DZIP1: variants seen among roughly 807,000 people sequenced by gnomAD.
The protein encoded by DZIP1 is DAZ interacting zinc finger protein 1, also known as cilium assembly protein DZIP1.
Under a neutral mutation model 107.6 loss-of-function variants are expected in DZIP1, and 97 were observed. The ratio of observed to expected loss-of-function variants is 0.90; its 90% CI spans 0.77 to 1.07. The LOEUF (loss-of-function observed/expected upper bound fraction) is 1.07, where lower values mean the gene tolerates loss of function less well. Ranked by LOEUF, DZIP1 falls within the 50% of genes least tolerant of loss-of-function variation. The pLI is 0.00. For synonymous variants in DZIP1, 390 were observed against 386.4 expected, an observed-to-expected ratio of 1.01 and a Z score of -0.11; for missense variants, 1,035 against 1,063.6, an observed-to-expected ratio of 0.97 and a Z score of 0.37.
chr13:95,630,859 C>A, intron 6 of DZIP1: 1 of 651,480 alleles, frequency 1.5e-6, no homozygotes, highest in Non-Finnish European at 2.4e-6. Flanking sequence ...CTCTCTGAAA[C>A]GAGTATGAGT....
chr13:95,615,478 C>T lies in DZIP1; in HGVS notation c.1174-3301G>A, dbSNP rs530042409. On this transcript the variant is annotated intron_variant, in intron 10 of 22. Coordinates refer to ENST00000376829, the MANE Select transcript of DZIP1 (RefSeq NM_198968.4). The stretch of plus-strand genomic sequence containing the variant: ...ATCCAAAACAGGATAGCCTGGGTGG[C>T]TTTTGGTTTGTTTATCTCCAAAATC... 1.3e-3 allele frequency among the ~76,000 whole-genome samples: 203 copies of T among 152,274 alleles called. 4 individuals carry two copies. In the Middle Eastern group the frequency reaches 0.027, roughly 20 times the overall value.
intron 6 of DZIP1, among the ~76,000 whole-genome samples, chr13:95,632,233 G>A (rs1877275822): frequency 6.6e-6 from 1 of 152,068 alleles, no homozygotes; most frequent in Admixed American, 6.5e-5. Context: ...TCCACCTTAA[G>A]CTGCAGCCCT....
chr13:95,633,944 T>TA (rs1339264744), intron 5 of DZIP1, among the ~76,000 whole-genome samples: 1 of 151,852 alleles, frequency 6.6e-6, no homozygotes, highest in Non-Finnish European at 1.5e-5. Flanking sequence ...TATAAGTAAA[T>TA]AAATAAAAAT....
rs1878485871 is a variant in DZIP1 at position 95,641,453 on chromosome 13, C to T, written c.439G>A (p.Glu147Lys). 2 of 1,614,162 alleles carry T rather than the reference C, an allele frequency of 1.2e-6. No individual in the cohort carries two copies. The highest frequency in any genetic ancestry group is 1.7e-6 in the Non-Finnish European group (2 of 1,180,038). Residue 147 changes from glutamate to lysine, a missense_variant, in exon 5 of 23, where the codon GAG becomes AAG. Glu to Lys is a moderately conservative substitution (Grantham distance 56, BLOSUM62 1). Coordinates refer to ENST00000376829, the MANE Select transcript of DZIP1 (RefSeq NM_198968.4). The surrounding 1 kb of genome is among the most constrained non-coding windows in gnomAD (Gnocchi z 4.3). Reference sequence around the variant, plus strand: ...TCGCAGTGGCTCAGGCGCAGCCGCTCCTCCAGGGTGTGCAGCTGCGAGGTG... The same window carrying T: ...TCGCAGTGGCTCAGGCGCAGCCGCTTCTCCAGGGTGTGCAGCTGCGAGGTG... ...FLTSQLHTLE[E>K]RLRLSHCDGE...
intron 16 of DZIP1, among the ~76,000 whole-genome samples, chr13:95,593,249 A>T (rs2044360025): frequency 6.6e-6 from 1 of 152,236 alleles, no homozygotes; most frequent in African/African-American, 2.4e-5. Flanking sequence ...ACACACATGG[A>T]TACATACATG....
At chr13:95,609,150 A>G (rs2044893296) in intron 13 of DZIP1, among the ~76,000 whole-genome samples, 1 of 138,484 alleles carries the variant, frequency 7.2e-6, no homozygotes, top group South Asian at 2.3e-4. Flanking sequence ...ACAGTCGCAT[A>G]GTGTATCACT....
intron 14 of DZIP1, among the ~76,000 whole-genome samples, chr13:95,605,221 TTTTAAAAGACCAA>T (rs1280090217): frequency 2.6e-5 from 4 of 152,174 alleles, no homozygotes; most frequent in Admixed American, 2.6e-4. Flanking sequence ...AGTGTAATCT[TTTTAAAAGACCAA>T]AAATGAAAGA....
At chr13:95,587,470 C>T (rs2044191180) in intron 20 of DZIP1, 69 bp downstream of exon 20, 3 of 1,557,794 alleles carry the variant, frequency 1.9e-6, no homozygotes, top group East Asian at 2.3e-5. Flanking sequence ...TCCCAGTGCT[C>T]GGTACACACG....
chr13:95,615,078 G>A (rs2139169188), intron 10 of DZIP1, among the ~76,000 whole-genome samples: 1 of 152,256 alleles, frequency 6.6e-6, no homozygotes, highest in African/African-American at 2.4e-5. Context: ...CAACAGACGA[G>A]GAAGGAGTGC....
intron 10 of DZIP1, among the ~76,000 whole-genome samples, chr13:95,613,471 C>T (rs1276209808): frequency 6.6e-6 from 1 of 151,630 alleles, no homozygotes; most frequent in African/African-American, 2.4e-5. Context: ...AAGATCATGT[C>T]TTTGCACTCC....
intron 14 of DZIP1, among the ~76,000 whole-genome samples, chr13:95,605,776 AC>A (rs2044753497): frequency 6.6e-6 from 1 of 152,328 alleles, no homozygotes; most frequent in East Asian, 1.9e-4. Flanking sequence ...GAGTCTGGCA[AC>A]CTTTTATACC....
At chr13:95,602,080 A>T (rs1368269228) in intron 14 of DZIP1, among the ~76,000 whole-genome samples, 1 of 151,956 alleles carries the variant, frequency 6.6e-6, no homozygotes, top group East Asian at 1.9e-4. Flanking sequence ...CCTCAGGAAC[A>T]CTCAGCGGCT....
At chr13:95,608,841 G>A (rs748624583) in intron 13 of DZIP1, among the ~76,000 whole-genome samples, 1 of 152,172 alleles carries the variant, frequency 6.6e-6, no homozygotes, top group Non-Finnish European at 1.5e-5. Flanking sequence ...CTCAGCCTCA[G>A]CCCATACTCC....
intron 5 of DZIP1, among the ~76,000 whole-genome samples, chr13:95,640,886 TC>T (rs1444555353): frequency 1.3e-5 from 2 of 152,204 alleles, no homozygotes; most frequent in African/African-American, 4.8e-5. Flanking sequence ...TGGCAACTTT[TC>T]TGTCAGTTTG....
Position 95,612,044 on chromosome 13 carries a change from C to T in DZIP1, c.1307G>A (p.Arg436Lys). The T allele has an allele frequency of 1.9e-6, 3 of 1,613,530 alleles. No homozygotes were observed. The highest frequency in any genetic ancestry group is 2.5e-6 in the Non-Finnish European group (3 of 1,179,982). Reference protein sequence around the residue: ...QEQNELIITQRQQIKDFTCNP... With the variant: ...QEQNELIITQKQQIKDFTCNP... ...CACTGCCGCCAGACATACCTGCTGT[C>T]TCTGAGTTATAATCAGCTCATTCTG... The change falls in exon 11 of 23, where the codon AGA becomes AAA. Residue 436 changes from arginine to lysine, a missense_variant. By Grantham distance (26) the Arg-to-Lys change is conservative. Coordinates refer to ENST00000376829, the MANE Select transcript of DZIP1 (RefSeq NM_198968.4).
At position 95,584,741 on chromosome 13, in the gene DZIP1, C is replaced by T. The variant is rs1009505652; in HGVS notation, c.2519G>A (p.Gly840Glu). The change falls in exon 22 of 23, where the codon GGA becomes GAA. Residue 840 changes from glycine to glutamate, a missense_variant. Coordinates refer to ENST00000376829, the MANE Select transcript of DZIP1 (RefSeq NM_198968.4). ...WGAFNPKGPK[G>E]EGLQENESST... ...TAGAGGGGAAAGCAGCAAACCTTCT[C>T]CCTTTGGCCCCTTAGGATTAAATGC... 6.2e-7 allele frequency: 1 copy of T among 1,612,548 alleles called. No homozygotes were observed. The highest frequency in any genetic ancestry group is 1.3e-5 in the African/African-American group (1 of 74,932).
intron 15 of DZIP1, among the ~76,000 whole-genome samples, chr13:95,595,703 C>T: frequency 6.6e-6 from 1 of 151,894 alleles, no homozygotes; most frequent in Middle Eastern, 3.2e-3. Flanking sequence ...TTGGTGCTAC[C>T]ATTGAAATAG....
At chr13:95,608,295 A>T (rs941586701) in intron 13 of DZIP1, among the ~76,000 whole-genome samples, 2 of 152,062 alleles carry the variant, frequency 1.3e-5, no homozygotes, top group Non-Finnish European at 2.9e-5. Flanking sequence ...TATAATACAA[A>T]TGTGTACATT....
chr13:95,619,066 A>G (rs1480308606), intron 10 of DZIP1, among the ~76,000 whole-genome samples: 3 of 139,362 alleles, frequency 2.2e-5, no homozygotes, highest in African/African-American at 7.6e-5. Context: ...AATTACTTAC[A>G]TTGCAGTTCT....
Sources: allele counts gnomAD v4.1 joint callset (sites outside exome capture counted in the v4.1 genomes callset), GRCh38; gene constraint gnomAD v4.1.1; non-coding constraint Gnocchi (gnomAD v3.1); transcripts MANE v1.5; gene names NCBI Gene and HGNC (gene_info 2026-07-23, HGNC 2026-07-21).